PTPA: variants seen among roughly 807,000 people sequenced by gnomAD.
The protein encoded by PTPA is serine/threonine-protein phosphatase 2A activator.
Under a neutral mutation model 43.6 loss-of-function variants are expected in PTPA, and 13 were observed. That is an observed-to-expected ratio of 0.30 (90% CI 0.19 to 0.47). The LOEUF (loss-of-function observed/expected upper bound fraction) is 0.47. Among genes scored for constraint, PTPA ranks in the 20% least tolerant of loss-of-function variants. The pLI is 0.99. For synonymous variants in PTPA, 172 were observed against 158.2 expected, an observed-to-expected ratio of 1.09 and a Z score of -0.66; for missense variants, 329 against 411.9, an observed-to-expected ratio of 0.80 and a Z score of 1.74.
At chr9:129,132,807 G>C (rs1351560111) in intron 5 of PTPA, among the ~76,000 whole-genome samples, 1 of 152,154 alleles carries the variant, frequency 6.6e-6, no homozygotes, top group Non-Finnish European at 1.5e-5. Context: ...TGATTGTTTT[G>C]TATTTTTTGT....
intron 9 of PTPA, among the ~76,000 whole-genome samples, chr9:129,146,515 C>T (rs1851313474): frequency 6.6e-6 from 1 of 152,234 alleles, no homozygotes; most frequent in South Asian, 2.1e-4. Context: ...TTGTTCCACC[C>T]CAGCCAGGAG....
intron 5 of PTPA, 44 bp from the exon 6 acceptor site, chr9:129,134,751 C>G: frequency 6.7e-7 from 1 of 1,503,234 alleles, no homozygotes; most frequent in Non-Finnish European, 9.2e-7. Flanking sequence ...AATCCCAGTC[C>G]TTTACCTGGA....
intron 8 of PTPA, chr9:129,140,180 C>T (rs1185468805): frequency 6.6e-6 from 1 of 152,568 alleles, no homozygotes; most frequent in Non-Finnish European, 1.5e-5. Flanking sequence ...AATATGGCTG[C>T]TCTGACTCAC....
chr9:129,142,431 C>A lies in PTPA; in HGVS notation c.787-14C>A. ...CAGAACCTGTCTCTTCAGCTTGTGG[C>A]TTCTCTTTTTCAGATGAAGACTGGC... is the stretch of plus-strand genomic sequence containing the variant. On this transcript the variant is annotated splice_polypyrimidine_tract_variant and intron_variant, in intron 8 of 9. Transcript: ENST00000393370. 1 of 1,555,260 alleles carries A rather than the reference C, an allele frequency of 6.4e-7. No individual in the cohort carries two copies. The highest frequency in any genetic ancestry group is 8.7e-7 in the Non-Finnish European group (1 of 1,147,564).
intron 1 of PTPA, among the ~76,000 whole-genome samples, chr9:129,114,131 C>T (rs930999029): frequency 6.6e-6 from 1 of 152,054 alleles, no homozygotes. Context: ...TGAGTTCATG[C>T]GATTCTCGTG....
intron 9 of PTPA, chr9:129,143,498 T>C: frequency 2.9e-6 from 2 of 699,072 alleles, no homozygotes; most frequent in East Asian, 5.4e-5. Context: ...CAGAGCTTCC[T>C]GGATCCCATC....
At chr9:129,147,278 C>A (rs1424827840) in intron 9 of PTPA, 109 bp from the exon 10 acceptor site, 13 of 1,087,298 alleles carry the variant, frequency 1.2e-5, no homozygotes, top group Admixed American at 1.8e-5. Flanking sequence ...CCTGGCGGGG[C>A]TACTTCCTGG....
intron 9 of PTPA, among the ~76,000 whole-genome samples, chr9:129,144,408 C>T: frequency 6.6e-6 from 1 of 152,130 alleles, no homozygotes. Context: ...GGGACAGGCT[C>T]CTGTATAGGG....
In PTPA at chr9:129,120,564, A is replaced by G. The variant is rs17481693; in HGVS notation, c.83A>G (p.Lys28Arg). 11 of 1,609,580 alleles carry G rather than the reference A, an allele frequency of 6.8e-6. No homozygotes were observed. Among genetic ancestry groups the G allele is most frequent in the East Asian group, 2.2e-5 (1 of 44,620 alleles). ...PATQNFIIPK[K>R]EIHTVPDMGK... ...ACTCAGAACTTCATCATTCCAAAAA[A>G]GGAGATCCACACAGTTCCAGACATG... Residue 28 changes from lysine (K) to arginine (R), a missense_variant, in exon 2 of 10, where the codon AAG becomes AGG. Lys to Arg is a conservative substitution (Grantham distance 26). Transcript: ENST00000393370.
chr9:129,116,305 C>T (rs532479430), intron 1 of PTPA, among the ~76,000 whole-genome samples: 2 of 151,820 alleles, frequency 1.3e-5, no homozygotes, highest in Non-Finnish European at 2.9e-5. Context: ...TCACCTCAGC[C>T]TCCCAAGTAG....
At chr9:129,143,678 C>T (rs1851071020) in intron 9 of PTPA, 3 of 485,374 alleles carry the variant, frequency 6.2e-6, no homozygotes, top group Admixed American at 3.2e-5. Context: ...TGGTCCCCTT[C>T]CTCTGGACCT....
chr9:129,131,578 T>A lies in PTPA; in HGVS notation c.399T>A (p.Pro133=). The change falls in exon 5 of 10, where the codon CCT becomes CCA. Residue 133 remains proline, a synonymous_variant. Coordinates refer to ENST00000393370, the MANE Select transcript of PTPA (RefSeq NM_178000.3). ...VVPTHLAAAV[P]EVAVYLKESV... is the part of the protein sequence containing the mutation. ...CTACCCATCTGGCAGCTGCTGTGCC[T>A]GAGGTGGCTGTTTACCTAAAGGAGT... 6.2e-7 allele frequency: 1 copy of A among 1,614,176 alleles called. No homozygotes were observed. Among genetic ancestry groups the A allele is most frequent in the Non-Finnish European group, 8.5e-7 (1 of 1,180,040 alleles).
At chr9:129,129,326 A>G (rs773785819) in intron 4 of PTPA, among the ~76,000 whole-genome samples, 4 of 152,242 alleles carry the variant, frequency 2.6e-5, no homozygotes, top group Non-Finnish European at 5.9e-5. Context: ...CCTCTGCACT[A>G]CAAGGCTGTT....
chr9:129,128,925 C>T (rs956666018), intron 3 of PTPA, 60 bp from the exon 4 acceptor site: 1 of 1,600,876 alleles, frequency 6.2e-7, no homozygotes, highest in Admixed American at 1.7e-5. Flanking sequence ...GGACTTCCCT[C>T]TGTGGCTAAG....
At chr9:129,119,412 T>G (rs1321376367) in intron 1 of PTPA, 2 of 152,072 alleles carry the variant, frequency 1.3e-5, no homozygotes, top group Admixed American at 6.5e-5. Flanking sequence ...ATTAGGTTTT[T>G]TTTTTTTTTT....
At position 129,136,430 on chromosome 9, in the gene PTPA, T is replaced by G. The variant is rs761760032; in HGVS notation, c.561-41T>G. 21 of 1,583,814 alleles carry G rather than the reference T, an allele frequency of 1.3e-5. No homozygotes were observed. The East Asian group carries it at 4.8e-4, about 36-fold the overall frequency. On this transcript the variant is annotated intron_variant, in intron 6 of 9. Transcript: ENST00000393370. The stretch of plus-strand genomic sequence containing the variant: ...TGGCCGAAAGGGTGAGACTGTCTTT[T>G]TACTTTTTGCTACCTTCCCTTTCCC...
At chr9:129,136,140 T>A (rs757485415) in intron 6 of PTPA, among the ~76,000 whole-genome samples, 1 of 152,090 alleles carries the variant, frequency 6.6e-6, no homozygotes, top group African/African-American at 2.4e-5. Context: ...GCTGATTTTT[T>A]GGATTTTTAG....
intron 4 of PTPA, among the ~76,000 whole-genome samples, chr9:129,130,046 T>C (rs1849853299): frequency 6.6e-6 from 1 of 152,204 alleles, no homozygotes; most frequent in South Asian, 2.1e-4. Context: ...GAATGCTAGC[T>C]GCATACTCCA....
intron 6 of PTPA, among the ~76,000 whole-genome samples, chr9:129,136,189 G>A (rs1205798234): frequency 2.0e-5 from 3 of 152,112 alleles, no homozygotes; most frequent in African/African-American, 7.2e-5. Context: ...GGATGGTCTC[G>A]ATCTCCTGAC....
Sources: allele counts gnomAD v4.1 joint callset (sites outside exome capture counted in the v4.1 genomes callset), GRCh38; gene constraint gnomAD v4.1.1; transcripts MANE v1.5; gene names NCBI Gene and HGNC (gene_info 2026-07-23, HGNC 2026-07-21).